Variants in CDH13 observed in about 807,000 individuals in gnomAD.
CDH13 encodes the protein cadherin 13.
In CDH13, 24 loss-of-function variants were observed where a neutral mutation model predicts 63.8. The observed-to-expected ratio is 0.38, with a 90% CI of 0.27 to 0.53. CDH13 has a LOEUF of 0.53. Among genes scored for constraint, CDH13 ranks in the 20% least tolerant of loss-of-function variants. The pLI is 0.85. For missense variants in CDH13, 1,049 were observed against 903.1 expected, an observed-to-expected ratio of 1.16 and a Z score of -2.07; for synonymous variants, 503 against 355.3, an observed-to-expected ratio of 1.42 and a Z score of -4.67.
intron 4 of CDH13, among the ~76,000 whole-genome samples, chr16:83,202,880 A>G (rs1567503194): frequency 6.6e-6 from 1 of 152,176 alleles, no homozygotes; most frequent in Non-Finnish European, 1.5e-5. Flanking sequence ...GGAAAAATAG[A>G]CACTGAAGAC....
intron 6 of CDH13, among the ~76,000 whole-genome samples, chr16:83,416,258 CAGAT>C (rs796120383): frequency 5.9e-5 from 9 of 152,140 alleles, no homozygotes; most frequent in Non-Finnish European, 1.0e-4. Context: ...AAGACACAAA[CAGAT>C]AGAGATCTTG....
intron 5 of CDH13, among the ~76,000 whole-genome samples, chr16:83,246,720 C>T (rs981650464): frequency 2.6e-5 from 4 of 152,164 alleles, no homozygotes; most frequent in African/African-American, 7.2e-5. Context: ...TACTCTTCGC[C>T]GGTGTTGCTG....
intron 2 of CDH13, among the ~76,000 whole-genome samples, chr16:82,926,397 G>C (rs2042305279): frequency 1.3e-5 from 2 of 152,174 alleles, no homozygotes; most frequent in Non-Finnish European, 1.5e-5. Flanking sequence ...TTTCCTGAAA[G>C]TTTAGAGATC....
At chr16:82,634,435 C>G (rs771869084) in intron 1 of CDH13, among the ~76,000 whole-genome samples, 1 of 152,218 alleles carries the variant, frequency 6.6e-6, no homozygotes, top group Non-Finnish European at 1.5e-5. Flanking sequence ...GCCAGCGGAA[C>G]CGAGGCTGAC....
At chr16:82,686,869 A>G (rs1219774612) in intron 1 of CDH13, among the ~76,000 whole-genome samples, 1 of 152,306 alleles carries the variant, frequency 6.6e-6, no homozygotes, top group South Asian at 2.1e-4. Context: ...ACGACTTCTT[A>G]CTCAAGCTAC....
chr16:82,628,468 T>TGTTTA (rs1907623642), intron 1 of CDH13, among the ~76,000 whole-genome samples: 1 of 151,908 alleles, frequency 6.6e-6, no homozygotes, highest in South Asian at 2.1e-4. Context: ...GTTAGAGCAA[T>TGTTTA]GTTGGGTTTA....
rs532872449 is a variant in CDH13 at position 83,635,430 on chromosome 16, G to A, written c.1101+32836G>A. Among the ~76,000 whole-genome samples, 43 of 125,852 alleles carry A rather than the reference G, an allele frequency of 3.4e-4. 2 individuals are homozygous for A. In the South Asian group the frequency reaches 9.9e-3, roughly 29 times the overall value. The allele number at this position is 125,852 out of a possible 152,430, so 82.6% of individuals were successfully genotyped here. On this transcript the variant is annotated intron_variant, in intron 8 of 13. Coordinates refer to ENST00000567109, the MANE Select transcript of CDH13 (RefSeq NM_001257.5). ...GTGACCTCGGCTCACCACAACCTCC[G>A]CTTCCTGGGGTCAAGTGATTCTCCT...
chr16:83,497,276 G>A (rs967156467), intron 7 of CDH13, among the ~76,000 whole-genome samples: 1 of 151,968 alleles, frequency 6.6e-6, no homozygotes, highest in Non-Finnish European at 1.5e-5. Flanking sequence ...GTCCAACAAT[G>A]ATAGACTGGA....
chr16:83,663,864 T>C (rs1913677765), intron 8 of CDH13, among the ~76,000 whole-genome samples: 1 of 151,948 alleles, frequency 6.6e-6, no homozygotes, highest in African/African-American at 2.4e-5. Flanking sequence ...TTTAATCAGA[T>C]AAAGAGAGGA....
At chr16:83,616,549 C>T (rs946802766) in intron 8 of CDH13, among the ~76,000 whole-genome samples, 1 of 152,000 alleles carries the variant, frequency 6.6e-6, no homozygotes, top group Non-Finnish European at 1.5e-5. Flanking sequence ...CTTCATCCAC[C>T]TCCTTCTATT....
chr16:83,593,902 G>T (rs969157148), intron 7 of CDH13, among the ~76,000 whole-genome samples: 1 of 152,120 alleles, frequency 6.6e-6, no homozygotes, highest in African/African-American at 2.4e-5. Flanking sequence ...TGGGGAAAAC[G>T]GTACTCATTA....
intron 2 of CDH13, among the ~76,000 whole-genome samples, chr16:83,010,346 C>T (rs180854855): frequency 6.6e-6 from 1 of 152,008 alleles, no homozygotes; most frequent in Admixed American, 6.6e-5. Flanking sequence ...TAATACCCCT[C>T]CCACCTGCAT....
intron 6 of CDH13, among the ~76,000 whole-genome samples, chr16:83,378,910 A>T (rs904254352): frequency 6.6e-6 from 1 of 152,092 alleles, no homozygotes; most frequent in Admixed American, 6.6e-5. Flanking sequence ...CTTGTGGTCC[A>T]CCAGAAACTT....
chr16:83,747,029 C>G (rs147323634), intron 10 of CDH13, among the ~76,000 whole-genome samples: 67 of 152,256 alleles, frequency 4.4e-4, no homozygotes, highest in African/African-American at 1.5e-3. Context: ...TTTTAGTTCC[C>G]TTAAAGAAAC....
At chr16:82,996,760 T>C (rs1226341203) in intron 2 of CDH13, among the ~76,000 whole-genome samples, 1 of 152,076 alleles carries the variant, frequency 6.6e-6, no homozygotes, top group Non-Finnish European at 1.5e-5. Context: ...ATGATAACTA[T>C]AGTGATGGTG....
chr16:83,261,703 CTCT>C (rs1408306193), intron 5 of CDH13, among the ~76,000 whole-genome samples: 2 of 131,404 alleles, frequency 1.5e-5, no homozygotes, highest in Non-Finnish European at 3.4e-5. Context: ...CTTTATTTTC[CTCT>C]TTTTTTTTTT....
At chr16:83,472,709 G>C (rs553397359) in intron 6 of CDH13, among the ~76,000 whole-genome samples, 26 of 152,260 alleles carry the variant, frequency 1.7e-4, no homozygotes, top group African/African-American at 6.3e-4. Flanking sequence ...GAACACATGG[G>C]GAAGAGCATT....
chr16:83,075,884 C>A (rs2032799531), intron 3 of CDH13, among the ~76,000 whole-genome samples: 1 of 152,092 alleles, frequency 6.6e-6, no homozygotes, highest in South Asian at 2.1e-4. Context: ...TATTCATGGG[C>A]AGAATTGCTG....
At chr16:83,056,681 C>T (rs1439812390) in intron 3 of CDH13, among the ~76,000 whole-genome samples, 1 of 152,048 alleles carries the variant, frequency 6.6e-6, no homozygotes, top group Non-Finnish European at 1.5e-5. Context: ...TGTCACCATC[C>T]AAGTCTCATC....
Sources: gnomAD v4.1 joint callset for allele counts (sites outside exome capture counted in the v4.1 genomes callset) on GRCh38, gnomAD v4.1.1 for gene constraint, MANE v1.5 for transcripts, NCBI Gene and HGNC (gene_info 2026-07-23, HGNC 2026-07-21) for gene names.